DDR1: variants seen among roughly 807,000 people sequenced by gnomAD.
DDR1 encodes epithelial discoidin domain-containing receptor 1.
A neutral mutation model predicts 97.4 loss-of-function variants in DDR1; 64 were observed. The ratio of observed to expected loss-of-function variants is 0.66; its 90% CI spans 0.54 to 0.81. DDR1 has a LOEUF of 0.81. Ranked by LOEUF, DDR1 falls within the 30% of genes least tolerant of loss-of-function variation. The pLI is 0.00. For missense variants in DDR1, 990 were observed against 1,259.6 expected (o/e 0.79, Z 3.24); for synonymous variants, 458 against 503.7 (o/e 0.91, Z 1.21).
chr6:30,885,168 C>T, intron 1 of DDR1: 33 of 1,524,604 alleles, frequency 2.2e-5, no homozygotes, highest in Non-Finnish European at 2.7e-5. Context: ...TCTAACCCAC[C>T]AGTGACACCA....
In DDR1 at chr6:30,890,649, G is replaced by A. The variant is rs555795293; in HGVS notation, c.418-324G>A. 34 of 322,278 alleles carry A rather than the reference G, an allele frequency of 1.1e-4. 1 individual carries two copies. The South Asian group carries it at 2.9e-3, about 28-fold the overall frequency. The allele number at this position is 322,278 out of a possible 1,614,324, so 20.0% of individuals were successfully genotyped here. Reference sequence around the variant, plus strand: ...ATGAAGGGGAAGCTGAGGCAGGGGTGCAGGGCTGTGAGGATTGGGGAGAAT... The same window carrying A: ...ATGAAGGGGAAGCTGAGGCAGGGGTACAGGGCTGTGAGGATTGGGGAGAAT... On this transcript the variant is annotated intron_variant, in intron 4 of 17. Transcript: ENST00000376568. The surrounding 1 kb of genome is among the most constrained non-coding windows in gnomAD (Gnocchi z 5.0).
In DDR1 at chr6:30,899,155, G is replaced by A. The variant is rs2150480868; in HGVS notation, c.2602-1G>A. 2 of 1,614,214 alleles carry A rather than the reference G, an allele frequency of 1.2e-6. No homozygotes were observed. Among genetic ancestry groups the A allele is most frequent in the Non-Finnish European group, 1.7e-6 (2 of 1,180,022 alleles). Reference sequence around the variant, plus strand: ...CTCTCATCCACACTGCCACAATGCAGGTGTACCTGTCCCGGCCGCCTGCCT... The same window carrying A: ...CTCTCATCCACACTGCCACAATGCAAGTGTACCTGTCCCGGCCGCCTGCCT... On this transcript the variant is annotated splice_acceptor_variant, in intron 17 of 17. Transcript: ENST00000376568. LOFTEE classifies it high-confidence loss of function.
At position 30,897,479 on chromosome 6, in the gene DDR1, A is replaced by T; in HGVS notation, c.2098A>T (p.Ile700Phe). ...TGTGCAGGACGACCCCCTCTGCATG[A>T]TTACTGACTACATGGAGAACGGCGA... ...VCVQDDPLCM[I>F]TDYMENGDLN... The change falls in exon 15 of 18, where the codon ATT becomes TTT. Residue 700 changes from isoleucine (I) to phenylalanine (F), a missense_variant. By Grantham distance (21) the Ile-to-Phe change is conservative. Coordinates refer to ENST00000376568, the MANE Select transcript of DDR1 (RefSeq NM_001297654.2). The surrounding 1 kb of genome is among the most constrained non-coding windows in gnomAD (Gnocchi z 5.2). The T allele has an allele frequency of 6.2e-7, 1 of 1,614,076 alleles. No homozygotes were observed. The highest frequency in any genetic ancestry group is 8.5e-7 in the Non-Finnish European group (1 of 1,179,994).
At chr6:30,885,689 G>T (rs1308577185) in intron 1 of DDR1, 4 of 1,316,886 alleles carry the variant, frequency 3.0e-6, no homozygotes, top group Non-Finnish European at 9.9e-7. Flanking sequence ...AGGTGTGGAC[G>T]GGTTGATGTA....
In DDR1 at chr6:30,895,499, C is replaced by T; in HGVS notation, c.1609C>T (p.Pro537Ser). ...CCCCCCCACACCCGCCTGGGCCAAA[C>T]CCACCAACACCCAGGGTAAGCCCCT... is the stretch of plus-strand genomic sequence containing the variant. ...PGPPTPAWAK[P>S]TNTQAYSGDY... is the part of the protein sequence containing the mutation. The change falls in exon 12 of 18, where the codon CCC becomes TCC. Residue 537 changes from proline (P) to serine (S), a missense_variant. Pro to Ser is a moderately conservative substitution (Grantham distance 74). Coordinates refer to ENST00000376568, the MANE Select transcript of DDR1 (RefSeq NM_001297654.2). 1.3e-6 allele frequency: 2 copies of T among 1,596,244 alleles called. No individual in the cohort carries two copies. The highest frequency in any genetic ancestry group is 2.2e-5 in the East Asian group (1 of 44,464).
At chr6:30,896,495 G>A in intron 12 of DDR1, 126 bp from the exon 13 acceptor site, 4 of 1,232,006 alleles carry the variant, frequency 3.2e-6, no homozygotes, top group African/African-American at 1.5e-5. Flanking sequence ...GGAAGATACA[G>A]CATAGACCCA....
rs755018033 is a variant in DDR1, at chr6:30,899,267, C to G, written c.2713C>G (p.Leu905Val). ...ACCCTTTTCCCAGCTGCATCGGTTC[C>G]TGGCAGAGGATGCACTCAACACGGT... is the stretch of plus-strand genomic sequence containing the variant. ...RPPFSQLHRF[L>V]AEDALNTV Residue 905 changes from leucine to valine, a missense_variant, in exon 18 of 18, where the codon CTG becomes GTG. Coordinates refer to ENST00000376568, the MANE Select transcript of DDR1 (RefSeq NM_001297654.2). 6 of 1,613,728 alleles carry G rather than the reference C, an allele frequency of 3.7e-6. No homozygotes were observed. The highest frequency in any genetic ancestry group is 5.1e-6 in the Non-Finnish European group (6 of 1,179,752).
rs1186067609 is a variant in DDR1 at position 30,894,678 on chromosome 6, C to A, written c.1513+7C>A. ...TGTGTCCCCAATGGCTCTGGTAAGA[C>A]CTGCCTTGTTCCAGTCGCACCTCTG... On this transcript the variant is annotated splice_region_variant and intron_variant, in intron 11 of 17. Coordinates refer to ENST00000376568, the MANE Select transcript of DDR1 (RefSeq NM_001297654.2). The surrounding 1 kb of genome is among the most constrained non-coding windows in gnomAD (Gnocchi z 5.7). The A allele has an allele frequency of 1.9e-6, 3 of 1,592,934 alleles. No individual in the cohort carries two copies. The highest frequency in any genetic ancestry group is 3.5e-5 in the Admixed American group (2 of 57,308).
chr6:30,885,909 G>C (rs374008972), intron 1 of DDR1: 1 of 1,036,616 alleles, frequency 9.6e-7, no homozygotes, highest in Admixed American at 2.3e-5. Flanking sequence ...AAGGGCTTGA[G>C]GCAGGGTGGC....
Position 30,897,689 on chromosome 6 carries a change from C to A in DDR1, c.2216+92C>A. 1 of 1,076,518 alleles carries A rather than the reference C, an allele frequency of 9.3e-7. No individual in the cohort carries two copies. The highest frequency in any genetic ancestry group is 1.3e-6 in the Non-Finnish European group (1 of 748,804). The allele number at this position is 1,076,518 out of a possible 1,614,324, so 66.7% of individuals were successfully genotyped here. A position where few individuals can be genotyped will look rare whatever the true frequency, so the allele number is the denominator to read the frequency against. Reference sequence around the variant, plus strand: ...TTCAGCCTGGAGGAAAAGAGGGGAGCGTGGGGGTGGGAAGGGAGAGAGGTT... The same window carrying A: ...TTCAGCCTGGAGGAAAAGAGGGGAGAGTGGGGGTGGGAAGGGAGAGAGGTT... On this transcript the variant is annotated intron_variant, in intron 15 of 17. Transcript: ENST00000376568. This position sits in a 1 kb window ranked among gnomAD's most constrained non-coding sequence, Gnocchi z 5.2.
chr6:30,883,789 GAGGAGA>G (rs964803813), upstream of DDR1: 6 of 152,728 alleles, frequency 3.9e-5, no homozygotes, highest in South Asian at 2.1e-4. The surrounding 1 kb of genome is among the most constrained non-coding windows in gnomAD (Gnocchi z 4.9). Context: ...GAGGAACTGA[GAGGAGA>G]AGGAGAAGAG....
Position 30,889,334 on chromosome 6 carries a change from C to G in DDR1, c.321C>G (p.Ala107=). The G allele has an allele frequency of 6.2e-7, 1 of 1,612,302 alleles. No individual in the cohort carries two copies. The highest frequency in any genetic ancestry group is 1.1e-5 in the South Asian group (1 of 91,012). Residue 107 remains alanine (A), a synonymous_variant, in exon 4 of 18, where the codon GCC becomes GCG. Coordinates refer to ENST00000376568, the MANE Select transcript of DDR1 (RefSeq NM_001297654.2). This position sits in a 1 kb window ranked among gnomAD's most constrained non-coding sequence, Gnocchi z 4.9. ...TGGTGGGCACCCAGGGACGGCATGC[C>G]GGGGGCCTGGGCAAGGAGTTCTCCC... is the stretch of plus-strand genomic sequence containing the variant. The part of the protein sequence containing the change: ...VALVGTQGRH[A]GGLGKEFSRS...
chr6:30,898,025 G>C (rs1222193780), intron 15 of DDR1, 48 bp from the exon 16 acceptor site: 6 of 1,459,328 alleles, frequency 4.1e-6, no homozygotes, highest in Non-Finnish European at 4.8e-6. Context: ...TCCTGGATGG[G>C]AATCTGCGAA....
rs898931674 is a variant in DDR1, at chr6:30,897,840, T to C, written c.2217-233T>C. Among the ~76,000 whole-genome samples the C allele has an allele frequency of 3.9e-5, 6 of 152,190 alleles. No individual in the cohort carries two copies. Among genetic ancestry groups the C allele is most frequent in the African/African-American group, 1.4e-4 (6 of 41,442 alleles). On this transcript the variant is annotated intron_variant, in intron 15 of 17. Transcript: ENST00000376568. This position sits in a 1 kb window ranked among gnomAD's most constrained non-coding sequence, Gnocchi z 5.2. The stretch of plus-strand genomic sequence containing the variant: ...CTGCCATGACGTCCCTTCTGCTTTC[T>C]CTCACCCTCACTCCCCTCTGAGTCC...
chr6:30,896,887 T>C (rs370527085), intron 13 of DDR1, 22 bp downstream of exon 13: 12 of 1,560,486 alleles, frequency 7.7e-6, no homozygotes, highest in Admixed American at 3.6e-5. Flanking sequence ...GCCTACCCAG[T>C]GTCTGGCCCT....
upstream of DDR1, among the ~76,000 whole-genome samples, chr6:30,882,263 T>C (rs190109801): frequency 2.0e-3 from 305 of 152,274 alleles, 1 homozygote; most frequent in Admixed American, 6.0e-3. The surrounding 1 kb of genome is among the most constrained non-coding windows in gnomAD (Gnocchi z 4.8). Context: ...TTTTTTCAGC[T>C]GTTTCCCATC....
chr6:30,892,319 G>C lies in DDR1; in HGVS notation c.876G>C (p.Thr292=), dbSNP rs770176962. ...AMQVHCNNMH[T]LGARLPGGVE... Reference sequence around the variant, plus strand: ...AGGTCCACTGTAACAACATGCACACGCTGGGAGCCCGTCTGCCTGGCGGGG... The same window carrying C: ...AGGTCCACTGTAACAACATGCACACCCTGGGAGCCCGTCTGCCTGGCGGGG... The change falls in exon 8 of 18, where the codon ACG becomes ACC. Residue 292 remains threonine, a synonymous_variant. Coordinates refer to ENST00000376568, the MANE Select transcript of DDR1 (RefSeq NM_001297654.2). 6.4e-7 allele frequency: 1 copy of C among 1,573,698 alleles called. No individual in the cohort carries two copies. Among genetic ancestry groups the C allele is most frequent in the Non-Finnish European group, 8.6e-7 (1 of 1,158,652 alleles).
chr6:30,891,091 G>A lies in DDR1; in HGVS notation c.536G>A (p.Arg179Gln), dbSNP rs2150328141. ...GACCGGGTCATGAGCGTCTGTCTGC[G>A]GGTAGAGCTCTATGGCTGCCTCTGG... ...RADRVMSVCL[R>Q]VELYGCLWRD... is the part of the protein sequence containing the mutation. The change falls in exon 5 of 18, where the codon CGG becomes CAG. Residue 179 changes from arginine to glutamine, a missense_variant. Arg to Gln is a conservative substitution (Grantham distance 43). Coordinates refer to ENST00000376568, the MANE Select transcript of DDR1 (RefSeq NM_001297654.2). This position sits in a 1 kb window ranked among gnomAD's most constrained non-coding sequence, Gnocchi z 5.3. 3.1e-6 allele frequency: 5 copies of A among 1,613,026 alleles called. No individual in the cohort carries two copies. The highest frequency in any genetic ancestry group is 1.1e-5 in the South Asian group (1 of 91,072).
rs1562387485 is a variant in DDR1 at position 30,892,188 on chromosome 6, GGTGA to G, written c.852+7_852+10del. 8 of 1,613,976 alleles carry G rather than the reference GGTGA, an allele frequency of 5.0e-6. No individual in the cohort carries two copies. The South Asian group carries it at 6.6e-5, about 13-fold the overall frequency. ...GGCTGAGGGCCTTCCAGGCTATGCA[GGTGA>G]GTGAGTCCGGCTCTCGAGGAGGGCT... On this transcript the variant is annotated splice_donor_variant and splice_donor_region_variant and intron_variant, in intron 7 of 17. Transcript: ENST00000376568. LOFTEE classifies it high-confidence loss of function.
Sources: gnomAD v4.1 joint callset for allele counts (sites outside exome capture counted in the v4.1 genomes callset) on GRCh38, gnomAD v4.1.1 for gene constraint, Gnocchi (gnomAD v3.1) non-coding constraint, MANE v1.5 for transcripts, NCBI Gene and HGNC (gene_info 2026-07-23, HGNC 2026-07-21) for gene names.